The following IFFO1 variants were observed in gnomAD, a reference collection of about 807,000 sequenced individuals.
IFFO1 encodes intermediate filament family orphan 1, also known as non-homologous end joining factor IFFO1.
Under a neutral mutation model 59.6 loss-of-function variants are expected in IFFO1, and 42 were observed. That is an observed-to-expected ratio of 0.70 (90% CI 0.55 to 0.91). IFFO1 has a LOEUF of 0.91. Among genes scored for constraint, IFFO1 ranks in the 40% least tolerant of loss-of-function variants. The pLI, the probability that IFFO1 is intolerant of heterozygous loss-of-function variation, is 0.00. For missense variants in IFFO1, 711 were observed against 793.2 expected, an observed-to-expected ratio of 0.90 and a Z score of 1.24; for synonymous variants, 336 against 342.8, an observed-to-expected ratio of 0.98 and a Z score of 0.22.
intron 1 of IFFO1, among the ~76,000 whole-genome samples, chr12:6,552,179 G>A (rs1214436877): frequency 6.6e-6 from 1 of 152,228 alleles, no homozygotes; most frequent in South Asian, 2.1e-4. Context: ...AGCCTTGGGT[G>A]AAGCCCTTTC....
Position 6,548,445 on chromosome 12 carries a change from C to T in IFFO1, c.1363G>A (p.Ala455Thr). 1 of 1,613,238 alleles carries T rather than the reference C, an allele frequency of 6.2e-7. No individual in the cohort carries two copies. Residue 455 changes from alanine to threonine, a missense_variant, in exon 7 of 10, where the codon GCT becomes ACT. By Grantham distance (58) the Ala-to-Thr change is moderately conservative. Coordinates refer to ENST00000619571, the MANE Select transcript of IFFO1 (RefSeq NM_001193457.2). The surrounding 1 kb of genome is among the most constrained non-coding windows in gnomAD (Gnocchi z 6.1). ...GTTACCTCTCCCTGGGCCTCTGCAGCTGCCATGGCATAGCCTGAGAAATCC... is the reference window on the plus strand; with the variant it reads ...GTTACCTCTCCCTGGGCCTCTGCAGTTGCCATGGCATAGCCTGAGAAATCC... The part of the protein sequence containing the change: ...WEDFSGYAMA[A>T]AEAQGEQQED...
Position 6,541,138 on chromosome 12 carries a change from T to A in IFFO1, c.1610+374A>T, listed in dbSNP as rs1946693294. ...CTATCTGCAGTATTTTTGTGATTTT[T>A]AAAAATTCACTTTCTTGTTGCGGTG... On this transcript the variant is annotated intron_variant, in intron 9 of 9. Transcript: ENST00000619571. The surrounding 1 kb of genome is among the most constrained non-coding windows in gnomAD (Gnocchi z 4.8). Among the ~76,000 whole-genome samples the A allele has an allele frequency of 6.6e-6, 1 of 152,206 alleles. No homozygotes were observed. The highest frequency in any genetic ancestry group is 6.5e-5 in the Admixed American group (1 of 15,284).
intron 1 of IFFO1, among the ~76,000 whole-genome samples, 170 bp from the exon 2 acceptor site, chr12:6,551,171 A>G (rs1346933287): frequency 6.6e-6 from 1 of 152,206 alleles, no homozygotes; most frequent in African/African-American, 2.4e-5. Flanking sequence ...GACCAACTGC[A>G]GCTGTCACGC....
chr12:6,554,096 AAG>A (rs1947340438), intron 1 of IFFO1, among the ~76,000 whole-genome samples: 2 of 151,924 alleles, frequency 1.3e-5, no homozygotes, highest in South Asian at 4.2e-4. Flanking sequence ...AAAAAAAAAA[AAG>A]AAAGCCTGCT....
In IFFO1 at chr12:6,550,737, C is replaced by T. The variant is rs1392866469; in HGVS notation, c.888G>A (p.Gln296=). 3 of 1,614,100 alleles carry T rather than the reference C, an allele frequency of 1.9e-6. No homozygotes were observed. The highest frequency in any genetic ancestry group is 2.7e-5 in the African/African-American group (2 of 74,944). The change falls in exon 3 of 10, where the codon CAG becomes CAA. Residue 296 remains glutamine, a synonymous_variant. Coordinates refer to ENST00000619571, the MANE Select transcript of IFFO1 (RefSeq NM_001193457.2). ...CQEELALKVE[Q]LKAELVVFKG... ...TGAAGACCACCAGCTCAGCCTTCAA[C>T]TGTTCCACCTTCAGTGCCAGCTCCT... is the stretch of plus-strand genomic sequence containing the variant.
chr12:6,544,032 T>C (rs531159501), intron 8 of IFFO1, among the ~76,000 whole-genome samples: 1 of 152,252 alleles, frequency 6.6e-6, no homozygotes, highest in Admixed American at 6.5e-5. Flanking sequence ...GTTTGAATCA[T>C]CTCAAAATCA....
Position 6,541,395 on chromosome 12 carries a change from G to A in IFFO1, c.1610+117C>T. 1 of 1,356,380 alleles carries A rather than the reference G, an allele frequency of 7.4e-7. No homozygotes were observed. Among genetic ancestry groups the A allele is most frequent in the South Asian group, 1.3e-5 (1 of 75,474 alleles). The allele number at this position is 1,356,380 out of a possible 1,614,324, so 84.0% of individuals were successfully genotyped here. On this transcript the variant is annotated intron_variant, in intron 9 of 9. Coordinates refer to ENST00000619571, the MANE Select transcript of IFFO1 (RefSeq NM_001193457.2). This position sits in a 1 kb window ranked among gnomAD's most constrained non-coding sequence, Gnocchi z 4.8. ...CAGCCCCACCAGGTAACTCCCAAAGGGCAGCCCCACAGCAAGATGTGACCC... is the reference window on the plus strand; with the variant it reads ...CAGCCCCACCAGGTAACTCCCAAAGAGCAGCCCCACAGCAAGATGTGACCC...
At chr12:6,546,125 G>A (rs1461016679) in intron 8 of IFFO1, among the ~76,000 whole-genome samples, 2 of 152,240 alleles carry the variant, frequency 1.3e-5, no homozygotes, top group Non-Finnish European at 2.9e-5. Context: ...CACAGCGCAC[G>A]CTAAGTGCTT....
chr12:6,543,230 G>A (rs1197655847), intron 8 of IFFO1, among the ~76,000 whole-genome samples: 1 of 152,180 alleles, frequency 6.6e-6, no homozygotes, highest in Admixed American at 6.5e-5. Flanking sequence ...GGGTACTCCT[G>A]AGGTCAGCAA....
At chr12:6,546,286 G>A (rs1364221926) in intron 8 of IFFO1, among the ~76,000 whole-genome samples, 2 of 152,214 alleles carry the variant, frequency 1.3e-5, no homozygotes, top group Non-Finnish European at 2.9e-5. Context: ...ATGCCCTGAA[G>A]ATAAGGGGGG....
chr12:6,539,800 C>A lies in IFFO1; in HGVS notation c.*683G>T, dbSNP rs1946611715. The A allele has an allele frequency of 6.5e-6, 1 of 154,248 alleles. No homozygotes were observed. The highest frequency in any genetic ancestry group is 2.0e-4 in the South Asian group (1 of 5,024). The allele number at this position is 154,248 out of a possible 1,614,324, so 9.6% of individuals were successfully genotyped here. ...CACCTTCTCTGTCATTCTGCAGTGA[C>A]CAGGAGAGCAAGAGCTCCCACCTCC... On this transcript the variant is annotated 3_prime_UTR_variant, in exon 10 of 10. Transcript: ENST00000619571.
At chr12:6,551,346 C>A (rs961208531) in intron 1 of IFFO1, 2 of 1,134,986 alleles carry the variant, frequency 1.8e-6, no homozygotes, top group Admixed American at 4.6e-5. Flanking sequence ...GGCCTCATTG[C>A]CCACCTCCTG....
In IFFO1 at chr12:6,548,051, G is replaced by A. The variant is rs1947047253; in HGVS notation, c.1479+14C>T. Reference sequence around the variant, plus strand: ...CTGGGACACCACGCCCCTGGCTTCCGCTCCTGCCCTTACCTCTATCTGGTC... The same window carrying A: ...CTGGGACACCACGCCCCTGGCTTCCACTCCTGCCCTTACCTCTATCTGGTC... On this transcript the variant is annotated intron_variant, in intron 8 of 9. Coordinates refer to ENST00000619571, the MANE Select transcript of IFFO1 (RefSeq NM_001193457.2). The surrounding 1 kb of genome is among the most constrained non-coding windows in gnomAD (Gnocchi z 6.1). 3 of 1,603,484 alleles carry A rather than the reference G, an allele frequency of 1.9e-6. No homozygotes were observed. The highest frequency in any genetic ancestry group is 1.7e-6 in the Non-Finnish European group (2 of 1,170,432).
chr12:6,555,675 G>C lies in IFFO1; in HGVS notation c.355C>G (p.Leu119Val), dbSNP rs1403085419. The C allele has an allele frequency of 1.9e-6, 3 of 1,607,570 alleles. No individual in the cohort carries two copies. The highest frequency in any genetic ancestry group is 2.5e-6 in the Non-Finnish European group (3 of 1,177,852). Residue 119 changes from leucine (L) to valine (V), a missense_variant, in exon 1 of 10, where the codon CTG (leucine) becomes GTG (valine). Physicochemically the swap from Leu to Val is conservative, Grantham distance 32. Coordinates refer to ENST00000619571, the MANE Select transcript of IFFO1 (RefSeq NM_001193457.2). This position sits in a 1 kb window ranked among gnomAD's most constrained non-coding sequence, Gnocchi z 8.6. ...LEEGKQGRRG[L>V]GRRDQAVQTG... ...TGCACTGCCTGGTCGCGACGACCCA[G>C]GCCCCGCCGGCCCTGCTTACCCTCC...
intron 8 of IFFO1, among the ~76,000 whole-genome samples, chr12:6,542,696 G>A (rs2136096828): frequency 6.6e-6 from 1 of 152,326 alleles, no homozygotes; most frequent in South Asian, 2.1e-4. Context: ...TCCCTGGCAG[G>A]CTTGGATCCA....
chr12:6,547,348 G>A (rs1013328658), intron 8 of IFFO1, among the ~76,000 whole-genome samples: 7 of 152,018 alleles, frequency 4.6e-5, no homozygotes, highest in Non-Finnish European at 7.4e-5. Flanking sequence ...AGAAGATCAC[G>A]GCTGCAGTGG....
In IFFO1 at chr12:6,541,062, G is replaced by A. The variant is rs933686811; in HGVS notation, c.1610+450C>T. ...AGAAATAGCTGAAGTCACAGTAGGA[G>A]AGAAGCTGCTGAGCCTCCAGCACCC... is the stretch of plus-strand genomic sequence containing the variant. On this transcript the variant is annotated intron_variant, in intron 9 of 9. Coordinates refer to ENST00000619571, the MANE Select transcript of IFFO1 (RefSeq NM_001193457.2). The surrounding 1 kb of genome is among the most constrained non-coding windows in gnomAD (Gnocchi z 4.8). Among the ~76,000 whole-genome samples, 1 of 151,564 alleles carries A rather than the reference G, an allele frequency of 6.6e-6. No individual in the cohort carries two copies. The highest frequency in any genetic ancestry group is 2.4e-5 in the African/African-American group (1 of 41,198).
In IFFO1 at chr12:6,544,181, T is replaced by TTTC. The variant is rs1205025114; in HGVS notation, c.1480-2540_1480-2539insGAA. The stretch of plus-strand genomic sequence containing the variant: ...TTGAAAATACTTTTTTTTTTTTTTT[T>TTTC]CCTGAGATGGAATCTTGCTCTGTCA... On this transcript the variant is annotated intron_variant, in intron 8 of 9. Coordinates refer to ENST00000619571, the MANE Select transcript of IFFO1 (RefSeq NM_001193457.2). Among the ~76,000 whole-genome samples the TTTC allele has an allele frequency of 1.4e-4, 21 of 149,718 alleles. 1 individual carries two copies. The South Asian group carries it at 4.0e-3, about 29-fold the overall frequency.
At chr12:6,545,778 C>G (rs1308211655) in intron 8 of IFFO1, among the ~76,000 whole-genome samples, 1 of 151,928 alleles carries the variant, frequency 6.6e-6, no homozygotes, top group South Asian at 2.1e-4. Context: ...ACTGTCTATA[C>G]TGCCTGCCCA....
Sources: allele counts gnomAD v4.1 joint callset (sites outside exome capture counted in the v4.1 genomes callset), GRCh38; gene constraint gnomAD v4.1.1; non-coding constraint Gnocchi (gnomAD v3.1); transcripts MANE v1.5; gene names NCBI Gene and HGNC (gene_info 2026-07-23, HGNC 2026-07-21).